Variants in RPTOR observed in about 807,000 individuals in gnomAD.
RPTOR encodes the protein regulatory-associated protein of mTOR.
In RPTOR, 21 loss-of-function variants were observed where a neutral mutation model predicts 169.9. That is an observed-to-expected ratio of 0.12 (90% CI 0.09 to 0.18). The LOEUF (loss-of-function observed/expected upper bound fraction) is 0.18. Among genes scored for constraint, RPTOR ranks in the 10% least tolerant of loss-of-function variants. RPTOR has a pLI of 1.00. For missense variants in RPTOR, 1,133 were observed against 1,855.9 expected (o/e 0.61, Z 7.16); for synonymous variants, 732 against 753.2 (o/e 0.97, Z 0.46).
At chr17:80,611,352 C>T (rs2065269521) in intron 1 of RPTOR, among the ~76,000 whole-genome samples, 1 of 152,116 alleles carries the variant, frequency 6.6e-6, no homozygotes, top group Non-Finnish European at 1.5e-5. Flanking sequence ...ACCTCTGCTT[C>T]CTGAGTTCAA....
rs1412799895 is a variant in RPTOR, at chr17:80,964,828, G to A, written c.*498G>A. The A allele has an allele frequency of 3.4e-5, 8 of 235,460 alleles. No individual in the cohort carries two copies. The highest frequency in any genetic ancestry group is 3.5e-4 in the South Asian group (2 of 5,754). The allele number at this position is 235,460 out of a possible 1,614,324, so 14.6% of individuals were successfully genotyped here. A position where few individuals can be genotyped will look rare whatever the true frequency, so the allele number is the denominator to read the frequency against. On this transcript the variant is annotated 3_prime_UTR_variant, in exon 34 of 34. Coordinates refer to ENST00000306801, the MANE Select transcript of RPTOR (RefSeq NM_020761.3). Reference sequence around the variant, plus strand: ...CCACCACCTCTCACAGTCAGTGCACGCAAGCAGGGACATTTCCTAGCCAGC... The same window carrying A: ...CCACCACCTCTCACAGTCAGTGCACACAAGCAGGGACATTTCCTAGCCAGC...
chr17:80,865,569 T>C (rs2067979203), intron 13 of RPTOR, among the ~76,000 whole-genome samples: 1 of 152,180 alleles, frequency 6.6e-6, no homozygotes, highest in African/African-American at 2.4e-5. Flanking sequence ...CATTTCATAA[T>C]GCTACGGAAG....
chr17:80,578,678 C>T (rs1356398989), intron 1 of RPTOR, among the ~76,000 whole-genome samples: 6 of 152,144 alleles, frequency 3.9e-5, no homozygotes, highest in African/African-American at 1.4e-4. Flanking sequence ...ACGGTAACTA[C>T]AGGAGGCAGG....
chr17:80,679,111 C>A (rs541871379), intron 3 of RPTOR, among the ~76,000 whole-genome samples: 4 of 152,244 alleles, frequency 2.6e-5, no homozygotes, highest in Admixed American at 6.5e-5. Context: ...CCGGGCGCAG[C>A]GGCTACCTGT....
intron 2 of RPTOR, among the ~76,000 whole-genome samples, chr17:80,636,372 A>C (rs1255181019): frequency 6.6e-6 from 1 of 152,174 alleles, no homozygotes; most frequent in Non-Finnish European, 1.5e-5. Flanking sequence ...CTGCTGTAAC[A>C]GAATACCCGA....
At chr17:80,885,589 G>A (rs991290981) in intron 17 of RPTOR, among the ~76,000 whole-genome samples, 2 of 152,126 alleles carry the variant, frequency 1.3e-5, no homozygotes, top group African/African-American at 4.8e-5. Context: ...TGTTGCCCAG[G>A]CTGGAGTGCA....
rs1424206192 is a variant in RPTOR, at chr17:80,855,547, G to A, written c.1398G>A (p.Leu466=). 3 of 1,610,062 alleles carry A rather than the reference G, an allele frequency of 1.9e-6. No individual in the cohort carries two copies. Among genetic ancestry groups the A allele is most frequent in the African/African-American group, 1.3e-5 (1 of 74,818 alleles). Residue 466 remains leucine (L), a splice_region_variant and synonymous_variant, in exon 12 of 34, where the codon CTG becomes CTA. Transcript: ENST00000306801. ...FLDLGPWAVS[L]ALSVGIFPYV... is the part of the protein sequence containing the mutation. ...ACCTGGGTCCCTGGGCAGTGAGCCTGGTGCGTGCCTTCCGCATTAACCTGG... is the reference window on the plus strand; with the variant it reads ...ACCTGGGTCCCTGGGCAGTGAGCCTAGTGCGTGCCTTCCGCATTAACCTGG...
intron 7 of RPTOR, among the ~76,000 whole-genome samples, chr17:80,792,387 G>A (rs934842055): frequency 6.6e-6 from 1 of 151,792 alleles, no homozygotes; most frequent in African/African-American, 2.4e-5. Flanking sequence ...TTGTGTATCA[G>A]GGGAAAAATG....
intron 3 of RPTOR, among the ~76,000 whole-genome samples, chr17:80,647,075 G>A (rs541548515): frequency 6.6e-6 from 1 of 152,284 alleles, no homozygotes; most frequent in East Asian, 1.9e-4. Flanking sequence ...GGAATTGAGA[G>A]AAACCATGGT....
rs150917921 is a variant in RPTOR at position 80,923,238 on chromosome 17, G to A, written c.2625-252G>A. On this transcript the variant is annotated intron_variant, in intron 22 of 33. Transcript: ENST00000306801. Reference sequence around the variant, plus strand: ...ACTCTGAGCTGGGTTCGTCCTGTCCGCGCCACCTCCCAGGGTGCTGGAGTT... The same window carrying A: ...ACTCTGAGCTGGGTTCGTCCTGTCCACGCCACCTCCCAGGGTGCTGGAGTT... Among the ~76,000 whole-genome samples the A allele has an allele frequency of 2.5e-4, 38 of 152,288 alleles. No homozygotes were observed. The East Asian group carries it at 2.5e-3, about 10-fold the overall frequency.
At chr17:80,795,790 C>T (rs1206164461) in intron 7 of RPTOR, among the ~76,000 whole-genome samples, 1 of 152,114 alleles carries the variant, frequency 6.6e-6, no homozygotes, top group Non-Finnish European at 1.5e-5. Flanking sequence ...GGACACCACT[C>T]GGCTCTCATC....
At chr17:80,849,278 C>T (rs1001610660) in intron 11 of RPTOR, among the ~76,000 whole-genome samples, 7 of 152,178 alleles carry the variant, frequency 4.6e-5, no homozygotes, top group Admixed American at 2.6e-4. Context: ...TCCGGTTTTC[C>T]GAATCCCTGC....
At chr17:80,851,117 C>A (rs1246663334) in intron 11 of RPTOR, among the ~76,000 whole-genome samples, 1 of 152,104 alleles carries the variant, frequency 6.6e-6, no homozygotes, top group African/African-American at 2.4e-5. Flanking sequence ...TTTGTAGAGA[C>A]GGGGTTTCAC....
intron 7 of RPTOR, among the ~76,000 whole-genome samples, chr17:80,814,161 A>G (rs1864440349): frequency 1.3e-5 from 2 of 152,020 alleles, no homozygotes; most frequent in Admixed American, 6.6e-5. Flanking sequence ...TTTTCATAAG[A>G]CAGTTTTGAA....
At chr17:80,606,158 C>T (rs1161038690) in intron 1 of RPTOR, among the ~76,000 whole-genome samples, 1 of 152,060 alleles carries the variant, frequency 6.6e-6, no homozygotes, top group African/African-American at 2.4e-5. Flanking sequence ...ACTACAGGAA[C>T]CCACCACCAT....
At chr17:80,825,776 G>A (rs931585595) in intron 9 of RPTOR, among the ~76,000 whole-genome samples, 5 of 152,322 alleles carry the variant, frequency 3.3e-5, no homozygotes, top group Non-Finnish European at 5.9e-5. Context: ...CAGAGGCTCC[G>A]CTTGGGCTAA....
intron 5 of RPTOR, among the ~76,000 whole-genome samples, chr17:80,752,887 T>C (rs2066643211): frequency 6.6e-6 from 1 of 152,266 alleles, no homozygotes; most frequent in Admixed American, 6.5e-5. Context: ...TGAAATTTTC[T>C]GTGCATTTTA....
intron 28 of RPTOR, among the ~76,000 whole-genome samples, chr17:80,950,698 C>T (rs2069164849): frequency 6.6e-6 from 1 of 152,094 alleles, no homozygotes; most frequent in Non-Finnish European, 1.5e-5. Context: ...CAGCCCGGGG[C>T]CCTGGTCCAG....
chr17:80,819,896 G>T (rs2071554266), intron 7 of RPTOR, among the ~76,000 whole-genome samples: 1 of 152,216 alleles, frequency 6.6e-6, no homozygotes, highest in Non-Finnish European at 1.5e-5. Context: ...CGTTGTTACA[G>T]TCGTGCTGGG....
Sources: allele counts gnomAD v4.1 joint callset (sites outside exome capture counted in the v4.1 genomes callset), GRCh38; gene constraint gnomAD v4.1.1; transcripts MANE v1.5; gene names NCBI Gene and HGNC (gene_info 2026-07-23, HGNC 2026-07-21).